ANO1: variants seen among roughly 807,000 people sequenced by gnomAD.
ANO1 encodes anoctamin 1, also known as anoctamin-1.
In ANO1, 59 loss-of-function variants were observed where a neutral mutation model predicts 124.0. That is an observed-to-expected ratio of 0.48 (90% CI 0.39 to 0.59). The LOEUF is 0.59. ANO1 is among the 20% of genes least tolerant of loss of function. The pLI, the probability that ANO1 is intolerant of heterozygous loss-of-function variation, is 0.00. For synonymous variants in ANO1, 529 were observed against 532.0 expected (o/e 0.99, Z 0.08); for missense variants, 1,059 against 1,328.0 (o/e 0.80, Z 3.15).
At position 70,024,844 on chromosome 11, in the gene ANO1, T is replaced by C. The variant is rs1266005285; in HGVS notation, c.58+38678T>C. Among the ~76,000 whole-genome samples, 4 of 152,282 alleles carry C rather than the reference T, an allele frequency of 2.6e-5. No individual in the cohort carries two copies. The East Asian group carries it at 7.7e-4, about 29-fold the overall frequency. On this transcript the variant is annotated intron_variant, in intron 1 of 27. Transcript: ENST00000531349. ...GACCTGGGCCTAGCAGGGGGGCACA[T>C]AGATAGACTTGTCTGCTTCTCCTAT...
At chr11:70,070,773 G>T (rs1857852856) in intron 1 of ANO1, among the ~76,000 whole-genome samples, 1 of 152,204 alleles carries the variant, frequency 6.6e-6, no homozygotes. Context: ...ACAAACACTT[G>T]AGCGAATGAA....
intron 9 of ANO1, among the ~76,000 whole-genome samples, chr11:70,125,028 G>A (rs974793476): frequency 5.3e-5 from 8 of 152,188 alleles, no homozygotes; most frequent in African/African-American, 1.4e-4. Context: ...ACGGAAAAGC[G>A]CCCACCTTCC....
At position 70,170,918 on chromosome 11, in the gene ANO1, C is replaced by T. The variant is rs769221340; in HGVS notation, c.2229C>T (p.Val743=). 1.1e-5 allele frequency: 17 copies of T among 1,613,312 alleles called. No homozygotes were observed. Among genetic ancestry groups the T allele is most frequent in the South Asian group, 3.3e-5 (3 of 90,910 alleles). ...IIQFGFVTLF[V]ASFPLAPLFA... is the part of the protein sequence containing the mutation. Reference sequence around the variant, plus strand: ...AGTTTGGCTTCGTCACCCTGTTTGTCGCCTCCTTCCCCCTGGCCCCACTGT... The same window carrying T: ...AGTTTGGCTTCGTCACCCTGTTTGTTGCCTCCTTCCCCCTGGCCCCACTGT... The change falls in exon 22 of 26, where the codon GTC becomes GTT. Residue 743 remains valine (V), a synonymous_variant. Coordinates refer to ENST00000355303, the MANE Select transcript of ANO1 (RefSeq NM_018043.7).
chr11:70,024,435 C>T (rs1252790241), intron 1 of ANO1, among the ~76,000 whole-genome samples: 21 of 152,136 alleles, frequency 1.4e-4, no homozygotes, highest in Admixed American at 2.0e-4. Context: ...GACATTCGCC[C>T]GCTAGACCTG....
At chr11:69,990,466 G>A (rs1856132746) in intron 1 of ANO1, among the ~76,000 whole-genome samples, 1 of 152,190 alleles carries the variant, frequency 6.6e-6, no homozygotes, top group African/African-American at 2.4e-5. Flanking sequence ...GCATGTGAGT[G>A]TCTGTTTGAG....
chr11:70,012,124 A>G (rs2120354766), intron 1 of ANO1, among the ~76,000 whole-genome samples: 1 of 152,214 alleles, frequency 6.6e-6, no homozygotes, highest in Middle Eastern at 3.4e-3. Flanking sequence ...TTGTCCATCT[A>G]TTCACTCATC....
chr11:69,984,676 T>A (rs979270393), upstream of ANO1, among the ~76,000 whole-genome samples: 1 of 152,078 alleles, frequency 6.6e-6, no homozygotes, highest in African/African-American at 2.4e-5. Flanking sequence ...CGCGGGGATG[T>A]GGTCTGTCCT....
chr11:70,154,861 ACTGT>A (rs1278414324), intron 14 of ANO1, among the ~76,000 whole-genome samples: 1 of 152,200 alleles, frequency 6.6e-6, no homozygotes, highest in Non-Finnish European at 1.5e-5. Flanking sequence ...AAATAAAGAG[ACTGT>A]CTGTCTGACT....
intron 1 of ANO1, chr11:70,072,845 T>C (rs1365936337): frequency 6.6e-6 from 1 of 152,336 alleles, no homozygotes; most frequent in Non-Finnish European, 1.5e-5. Flanking sequence ...ATGTCCCAGC[T>C]CCACGGTCTT....
the ANO1 span, among the ~76,000 whole-genome samples, chr11:69,969,218 C>T: frequency 6.6e-6 from 1 of 152,220 alleles, no homozygotes; most frequent in African/African-American, 2.4e-5. Context: ...AGCCGTGCCC[C>T]TTCTCCTGCT....
At chr11:70,182,773 C>A in intron 24 of ANO1, 87 bp downstream of exon 24, 1 of 1,170,054 alleles carries the variant, frequency 8.5e-7, no homozygotes, top group Non-Finnish European at 1.1e-6. Context: ...AAATCAGGAG[C>A]AAGTCATGAA....
At chr11:70,124,235 T>G in intron 8 of ANO1, 115 bp from the exon 9 acceptor site, 1 of 926,328 alleles carries the variant, frequency 1.1e-6, no homozygotes, top group South Asian at 1.5e-5. Flanking sequence ...TCTCAAGAAG[T>G]GTTTATGGGA....
chr11:70,111,913 G>A (rs2135409186), intron 7 of ANO1, among the ~76,000 whole-genome samples, 151 bp downstream of exon 7: 1 of 152,346 alleles, frequency 6.6e-6, no homozygotes, highest in East Asian at 1.9e-4. Context: ...GGCCTTCCCT[G>A]TTCCCCGGGT....
intron 1 of ANO1, among the ~76,000 whole-genome samples, chr11:70,048,910 G>A (rs58395416): frequency 3.3e-5 from 5 of 152,052 alleles, no homozygotes; most frequent in Admixed American, 1.3e-4. Flanking sequence ...GTGGAAACAG[G>A]TTCTTCTTGA....
intron 11 of ANO1, among the ~76,000 whole-genome samples, chr11:70,132,795 T>C (rs1315369488): frequency 1.3e-5 from 2 of 152,236 alleles, no homozygotes; most frequent in Non-Finnish European, 2.9e-5. Flanking sequence ...TGTCTCAGCC[T>C]GTGCCAGCTT....
chr11:70,179,906 G>T, intron 22 of ANO1, 98 bp from the exon 23 acceptor site: 1 of 1,110,012 alleles, frequency 9.0e-7, no homozygotes, highest in East Asian at 2.4e-5. Context: ...GAGAAAGCCT[G>T]GCCCCTGCAA....
chr11:70,187,664 G>A (rs1253935165), intron 25 of ANO1, 74 bp from the exon 26 acceptor site: 6 of 1,511,568 alleles, frequency 4.0e-6, no homozygotes, highest in East Asian at 4.9e-5. Flanking sequence ...ACCAGATGGG[G>A]GCCAGGCAGA....
At chr11:70,044,463 T>G (rs1591053789) in intron 1 of ANO1, among the ~76,000 whole-genome samples, 1 of 152,162 alleles carries the variant, frequency 6.6e-6, no homozygotes, top group Non-Finnish European at 1.5e-5. Flanking sequence ...GGGCCAGGTA[T>G]AGAACAAATT....
chr11:70,103,131 C>T lies in ANO1; in HGVS notation c.507C>T (p.Ala169=), dbSNP rs759866693. The T allele has an allele frequency of 1.7e-5, 28 of 1,612,516 alleles. No individual in the cohort carries two copies. Among genetic ancestry groups the T allele is most frequent in the East Asian group, 4.5e-5 (2 of 44,868 alleles). ...CCTGGAACGTGCTGTGCAGAGAGGCCGAGTTTCTGAAACTGAAGATGCCGA... is the reference window on the plus strand; with the variant it reads ...CCTGGAACGTGCTGTGCAGAGAGGCTGAGTTTCTGAAACTGAAGATGCCGA... ...HAPWNVLCRE[A]EFLKLKMPTK... The change falls in exon 3 of 26, where the codon GCC becomes GCT. Residue 169 remains alanine, a synonymous_variant. Coordinates refer to ENST00000355303, the MANE Select transcript of ANO1 (RefSeq NM_018043.7).
Sources: gnomAD v4.1 joint callset for allele counts (sites outside exome capture counted in the v4.1 genomes callset) on GRCh38, gnomAD v4.1.1 for gene constraint, MANE v1.5 for transcripts, NCBI Gene and HGNC (gene_info 2026-07-23, HGNC 2026-07-21) for gene names.